The following C17orf75 variants were observed in gnomAD, a reference collection of about 807,000 sequenced individuals.
C17orf75 encodes the protein protein Njmu-R1.
A neutral mutation model predicts 49.6 loss-of-function variants in C17orf75; 32 were observed. The observed-to-expected ratio is 0.65, with a 90% CI of 0.49 to 0.87. The LOEUF (loss-of-function observed/expected upper bound fraction) is 0.87, where lower values mean the gene tolerates loss of function less well. Among genes scored for constraint, C17orf75 ranks in the 40% least tolerant of loss-of-function variants. The pLI, the probability that C17orf75 is intolerant of heterozygous loss-of-function variation, is 0.00. For missense variants in C17orf75, 428 were observed against 473.9 expected, an observed-to-expected ratio of 0.90 and a Z score of 0.90; for synonymous variants, 158 against 159.5, an observed-to-expected ratio of 0.99 and a Z score of 0.07.
intron 1 of C17orf75, chr17:32,349,824 G>T: frequency 1.4e-6 from 1 of 731,700 alleles, no homozygotes; most frequent in Non-Finnish European, 1.7e-6. Context: ...CTGTTCAATT[G>T]AAACAAAATT....
intron 1 of C17orf75, among the ~76,000 whole-genome samples, chr17:32,347,710 C>T (rs920562944): frequency 1.3e-5 from 2 of 152,128 alleles, no homozygotes; most frequent in African/African-American, 2.4e-5. Context: ...GAGTTTAGTT[C>T]CTTCCAGCAC....
rs200469714 is a variant in C17orf75, at chr17:32,340,660, T to A, written c.221+544A>T. On this transcript the variant is annotated intron_variant, in intron 2 of 9. Coordinates refer to ENST00000577809, the MANE Select transcript of C17orf75 (RefSeq NM_022344.4). ...ACTCTGTCTCAAAAAAAAAAAAAAATTTTTCAGGGCTGGGCAAGGTGGCTC... is the reference window on the plus strand; with the variant it reads ...ACTCTGTCTCAAAAAAAAAAAAAAAATTTTCAGGGCTGGGCAAGGTGGCTC... Among the ~76,000 whole-genome samples, 954 of 140,786 alleles carry A rather than the reference T, an allele frequency of 6.8e-3. 2 individuals are homozygous for A. Among genetic ancestry groups the A allele is most frequent in the South Asian group, 0.015 (68 of 4,408 alleles). 92.4% of individuals were successfully genotyped at this position (140,786 alleles called of 152,430 possible). A position where few individuals can be genotyped will look rare whatever the true frequency, so the allele number is the denominator to read the frequency against.
At chr17:32,345,169 G>A (rs557713207), upstream of C17orf75, among the ~76,000 whole-genome samples, 1 of 151,578 alleles carries the variant, frequency 6.6e-6, no homozygotes, top group African/African-American at 2.4e-5. Context: ...CATTTGATTG[G>A]ATATTCCTTA....
intron 5 of C17orf75, among the ~76,000 whole-genome samples, 161 bp from the exon 6 acceptor site, chr17:32,335,603 T>C (rs750122107): frequency 6.6e-6 from 1 of 152,210 alleles, no homozygotes; most frequent in Non-Finnish European, 1.5e-5. Context: ...TGATATACCT[T>C]TCCTGGCTTG....
intron 2 of C17orf75, 131 bp from the exon 3 acceptor site, chr17:32,340,069 G>T: frequency 9.6e-7 from 1 of 1,044,632 alleles, no homozygotes; most frequent in Non-Finnish European, 1.4e-6. Flanking sequence ...GACCCCTATT[G>T]GTGAGGCTTC....
intron 1 of C17orf75, chr17:32,341,768 T>G: frequency 9.7e-7 from 1 of 1,025,738 alleles, no homozygotes; most frequent in Non-Finnish European, 1.2e-6. Flanking sequence ...TAGGGGCAGA[T>G]GAAGGGCACA....
In C17orf75 at chr17:32,338,369, T is replaced by C. The variant is rs746076071; in HGVS notation, c.348-18A>G. 10 of 1,595,644 alleles carry C rather than the reference T, an allele frequency of 6.3e-6. No homozygotes were observed. The highest frequency in any genetic ancestry group is 8.5e-6 in the Non-Finnish European group (10 of 1,174,962). On this transcript the variant is annotated intron_variant, in intron 3 of 9. Transcript: ENST00000577809. Reference sequence around the variant, plus strand: ...CTGGAATTCTAGAAAAGAAAGAAAATGTAAAATGCATTATTTTGGTTACTC... The same window carrying C: ...CTGGAATTCTAGAAAAGAAAGAAAACGTAAAATGCATTATTTTGGTTACTC...
intron 5 of C17orf75, 83 bp from the exon 6 acceptor site, chr17:32,335,525 G>A: frequency 1.3e-6 from 2 of 1,520,184 alleles, no homozygotes; most frequent in East Asian, 2.3e-5. Context: ...TATCCTTGAT[G>A]GTGAAAAAGA....
chr17:32,348,189 T>C (rs2041441314), intron 1 of C17orf75, among the ~76,000 whole-genome samples: 1 of 151,800 alleles, frequency 6.6e-6, no homozygotes. Flanking sequence ...GGCTAATTTT[T>C]TTTTGGTATT....
intron 8 of C17orf75, among the ~76,000 whole-genome samples, chr17:32,334,239 G>A (rs917720274): frequency 1.3e-5 from 2 of 151,966 alleles, no homozygotes; most frequent in Non-Finnish European, 2.9e-5. Context: ...TCATCTCCTT[G>A]TGTACACATA....
In C17orf75 at chr17:32,331,802, A is replaced by G; in HGVS notation, c.1152T>C (p.Leu384=). ...CAAGAGCTTCTTTCATGAATTCTTC[A>G]AGGACAGCTATCACATTTTTGGCTT... ...MPEAKNVIAV[L]EEFMKEALDQ... Residue 384 remains leucine, a synonymous_variant, in exon 10 of 10, where the codon CTT becomes CTC. Transcript: ENST00000577809. The G allele has an allele frequency of 6.2e-7, 1 of 1,613,794 alleles. No individual in the cohort carries two copies. Among genetic ancestry groups the G allele is most frequent in the Non-Finnish European group, 8.5e-7 (1 of 1,179,776 alleles).
chr17:32,339,481 GGAGGCT>G (rs988279856), intron 3 of C17orf75, among the ~76,000 whole-genome samples: 1 of 151,934 alleles, frequency 6.6e-6, no homozygotes, highest in African/African-American at 2.4e-5. Flanking sequence ...CAGCTACTTG[GGAGGCT>G]GAGGTGAGAG....
chr17:32,348,796 G>A (rs1240078375), intron 1 of C17orf75, among the ~76,000 whole-genome samples: 1 of 151,080 alleles, frequency 6.6e-6, no homozygotes, highest in South Asian at 2.1e-4. Flanking sequence ...TCTAGGGTTC[G>A]CCAGAACCCG....
chr17:32,346,153 G>T (rs2041423636), upstream of C17orf75, among the ~76,000 whole-genome samples: 1 of 152,080 alleles, frequency 6.6e-6, no homozygotes, highest in African/African-American at 2.4e-5. Context: ...CAGCATGGTG[G>T]CTCACGCTTG....
intron 5 of C17orf75, among the ~76,000 whole-genome samples, chr17:32,336,877 G>A (rs1029527773): frequency 3.3e-5 from 5 of 152,128 alleles, no homozygotes; most frequent in Non-Finnish European, 7.4e-5. Flanking sequence ...TGGGTGCAGT[G>A]GTTCATACCT....
At chr17:32,350,004 C>G (rs2041469523) in exon 1 of C17orf75, 1 of 1,312,730 alleles carries the variant, frequency 7.6e-7, no homozygotes, top group Non-Finnish European at 9.9e-7. Flanking sequence ...CCAGCGAAAG[C>G]GAAAAACTCT....
At chr17:32,340,008 A>G (rs954737571) in intron 2 of C17orf75, 70 bp from the exon 3 acceptor site, 8 of 1,571,822 alleles carry the variant, frequency 5.1e-6, no homozygotes, top group Non-Finnish European at 6.9e-6. Flanking sequence ...GTCAGACAGA[A>G]TGGTACCAAC....
chr17:32,333,250 A>G (rs896148376), intron 9 of C17orf75, among the ~76,000 whole-genome samples, 167 bp downstream of exon 9: 10 of 152,254 alleles, frequency 6.6e-5, no homozygotes, highest in African/African-American at 2.2e-4. Flanking sequence ...ATATGTATAC[A>G]GAAGCTGCCA....
chr17:32,330,520 A>G lies in C17orf75; in HGVS notation c.*1243T>C, dbSNP rs958247842. 1 of 152,234 alleles carries G rather than the reference A, an allele frequency of 6.6e-6. No individual in the cohort carries two copies. Among genetic ancestry groups the G allele is most frequent in the African/African-American group, 2.4e-5 (1 of 41,450 alleles). 9.4% of individuals were successfully genotyped at this position (152,234 alleles called of 1,614,324 possible). On this transcript the variant is annotated 3_prime_UTR_variant, in exon 10 of 10. Transcript: ENST00000577809. ...AAAGAGCTATCCCGAGCAAATTGCA[A>G]TTGTATGTATGTAGCTACATAGGCT...
Sources: gnomAD v4.1 joint callset for allele counts (sites outside exome capture counted in the v4.1 genomes callset) on GRCh38, gnomAD v4.1.1 for gene constraint, MANE v1.5 for transcripts, NCBI Gene and HGNC (gene_info 2026-07-23, HGNC 2026-07-21) for gene names.